The following MTUS2 variants were observed in gnomAD, a reference collection of about 807,000 sequenced individuals.
The protein encoded by MTUS2 is microtubule associated scaffold protein 2.
MTUS2 carries 40 observed loss-of-function variants against 114.1 expected under a neutral mutation model. The ratio of observed to expected loss-of-function variants is 0.35; its 90% CI spans 0.27 to 0.46. MTUS2 has a LOEUF of 0.46. MTUS2 is among the 20% of genes least tolerant of loss of function. MTUS2 has a pLI of 1.00. For synonymous variants in MTUS2, 688 were observed against 672.0 expected (o/e 1.02, Z -0.37); for missense variants, 1,679 against 1,705.4 (o/e 0.98, Z 0.27).
chr13:29,039,961 C>T (rs1005751070), intron 4 of MTUS2, among the ~76,000 whole-genome samples: 17 of 152,124 alleles, frequency 1.1e-4, no homozygotes, highest in Non-Finnish European at 7.4e-5. Flanking sequence ...CGTTTAATTT[C>T]TCTTTATTTT....
intron 4 of MTUS2, among the ~76,000 whole-genome samples, chr13:29,041,695 G>C (rs967606118): frequency 6.6e-6 from 1 of 151,900 alleles, no homozygotes; most frequent in Non-Finnish European, 1.5e-5. Flanking sequence ...TGAATGTTCT[G>C]TTGTGTTTAT....
At chr13:28,863,998 A>G (rs1395654491) in intron 2 of MTUS2, among the ~76,000 whole-genome samples, 1 of 152,142 alleles carries the variant, frequency 6.6e-6, no homozygotes, top group African/African-American at 2.4e-5. Context: ...GCTCAGCCCC[A>G]GATGTGTTTT....
At chr13:28,889,074 G>T (rs1878765690) in intron 2 of MTUS2, among the ~76,000 whole-genome samples, 1 of 152,208 alleles carries the variant, frequency 6.6e-6, no homozygotes, top group Non-Finnish European at 1.5e-5. Flanking sequence ...TACCGAGGGT[G>T]CTTCATAGAA....
intron 4 of MTUS2, among the ~76,000 whole-genome samples, chr13:29,091,566 A>T (rs1593466150): frequency 6.6e-6 from 1 of 152,004 alleles, no homozygotes; most frequent in African/African-American, 2.4e-5. Context: ...TCTTCACATG[A>T]TCCAGTCTTC....
chr13:29,000,455 TG>T (rs1488916705), intron 2 of MTUS2, among the ~76,000 whole-genome samples: 1 of 152,022 alleles, frequency 6.6e-6, no homozygotes, highest in Non-Finnish European at 1.5e-5. Context: ...CTCCACCCCC[TG>T]GGTTTAAGCA....
chr13:29,172,283 C>T (rs1893597150), intron 5 of MTUS2, among the ~76,000 whole-genome samples: 1 of 152,160 alleles, frequency 6.6e-6, no homozygotes, highest in Admixed American at 6.5e-5. Flanking sequence ...AAGATAACTT[C>T]CCCCTCAAAC....
intron 9 of MTUS2, among the ~76,000 whole-genome samples, chr13:29,441,211 A>G (rs1877832686): frequency 6.6e-6 from 1 of 151,994 alleles, no homozygotes; most frequent in African/African-American, 2.4e-5. Context: ...CACCAGGAGA[A>G]GCCCAGGGGT....
chr13:28,907,929 G>A (rs1487168016), intron 2 of MTUS2, among the ~76,000 whole-genome samples: 2 of 151,512 alleles, frequency 1.3e-5, no homozygotes, highest in Non-Finnish European at 2.9e-5. Flanking sequence ...TTTCAGGTGA[G>A]TAATCTGAAT....
chr13:29,201,869 A>G (rs947076906), intron 5 of MTUS2, among the ~76,000 whole-genome samples: 1 of 152,060 alleles, frequency 6.6e-6, no homozygotes, highest in East Asian at 1.9e-4. Context: ...CTGCGGAGAG[A>G]TCTGCTGTTA....
At chr13:28,929,455 A>G (rs1881497180) in intron 2 of MTUS2, among the ~76,000 whole-genome samples, 1 of 152,208 alleles carries the variant, frequency 6.6e-6, no homozygotes. Flanking sequence ...TTATGTATCA[A>G]TAAAAAACAT....
chr13:29,325,523 A>G (rs1292580429), intron 7 of MTUS2, among the ~76,000 whole-genome samples: 2 of 139,796 alleles, frequency 1.4e-5, no homozygotes, highest in African/African-American at 2.7e-5. Flanking sequence ...GAGGAGGAGG[A>G]GGGAGGAAGG....
chr13:28,926,242 C>T (rs1434556621), intron 2 of MTUS2, among the ~76,000 whole-genome samples: 1 of 152,080 alleles, frequency 6.6e-6, no homozygotes, highest in East Asian at 1.9e-4. Context: ...TTTTGTTGTA[C>T]TTTGTTATTA....
chr13:29,282,000 AC>A, intron 6 of MTUS2, 135 bp downstream of exon 6: 1 of 1,004,366 alleles, frequency 1.0e-6, no homozygotes, highest in Non-Finnish European at 1.4e-6. Flanking sequence ...TAACAATAAT[AC>A]CACTGCTTTT....
intron 2 of MTUS2, among the ~76,000 whole-genome samples, chr13:28,881,732 C>T (rs1007794848): frequency 6.6e-5 from 10 of 152,038 alleles, no homozygotes; most frequent in African/African-American, 1.7e-4. Flanking sequence ...TGATTAGTAA[C>T]GATGAGCATT....
At chr13:29,375,285 G>T (rs59268740) in intron 8 of MTUS2, among the ~76,000 whole-genome samples, 126,862 of 129,776 alleles carry the variant, frequency 0.98, 62,234 homozygotes, top group Middle Eastern at 1. Flanking sequence ...TTAAAAAGGA[G>T]TTTTTAATAG....
chr13:29,355,410 A>G (rs1186244575), intron 7 of MTUS2, among the ~76,000 whole-genome samples: 3 of 152,242 alleles, frequency 2.0e-5, no homozygotes, highest in Non-Finnish European at 2.9e-5. Context: ...GGTAACATTT[A>G]GATGGCAGGA....
intron 8 of MTUS2, among the ~76,000 whole-genome samples, chr13:29,430,996 C>A (rs977213602): frequency 2.6e-5 from 4 of 152,156 alleles, no homozygotes; most frequent in African/African-American, 9.7e-5. Context: ...CAATAAATAT[C>A]TCCTCAGAAC....
At chr13:28,852,728 G>A (rs1190508568) in intron 2 of MTUS2, among the ~76,000 whole-genome samples, 5 of 152,024 alleles carry the variant, frequency 3.3e-5, no homozygotes, top group African/African-American at 4.8e-5. Context: ...AGCCAGGTGT[G>A]GTGGCACACC....
rs558210027 is a variant in MTUS2, at chr13:29,325,380, C to T, written c.2905+669C>T. Among the ~76,000 whole-genome samples, 51 of 148,912 alleles carry T rather than the reference C, an allele frequency of 3.4e-4. No individual in the cohort carries two copies. The South Asian group carries it at 9.2e-3, about 27-fold the overall frequency. On this transcript the variant is annotated intron_variant, in intron 7 of 15. Coordinates refer to ENST00000612955, the MANE Select transcript of MTUS2 (RefSeq NM_001033602.4). The stretch of plus-strand genomic sequence containing the variant: ...CTGAGGCAGGAGAATCACTTGAACT[C>T]GAGAGGTGGAGGTTGCAGTGAGCCG...
Sources: gnomAD v4.1 joint callset for allele counts (sites outside exome capture counted in the v4.1 genomes callset) on GRCh38, gnomAD v4.1.1 for gene constraint, MANE v1.5 for transcripts, NCBI Gene and HGNC (gene_info 2026-07-23, HGNC 2026-07-21) for gene names.